LCMT1: variants seen among roughly 807,000 people sequenced by gnomAD.
The protein encoded by LCMT1 is leucine carboxyl methyltransferase 1.
LCMT1 carries 32 observed loss-of-function variants against 47.7 expected under a neutral mutation model. The observed-to-expected ratio is 0.67, with a 90% confidence interval of 0.51 to 0.90. The LOEUF is 0.90. Ranked by LOEUF, LCMT1 falls within the 40% of genes least tolerant of loss-of-function variation. The probability of loss-of-function intolerance (pLI) is 0.00; values close to 1 mark genes in which losing one functional copy is unlikely to be tolerated. For missense variants in LCMT1, 375 were observed against 415.2 expected (o/e 0.90, Z 0.84); for synonymous variants, 152 against 149.7 (o/e 1.02, Z -0.11).
intron 1 of LCMT1, among the ~76,000 whole-genome samples, chr16:25,127,942 G>A (rs1011736611): frequency 2.6e-5 from 4 of 152,172 alleles, no homozygotes; most frequent in Admixed American, 1.3e-4. Flanking sequence ...TGTTTTGTTC[G>A]TGCTTGCTTT....
chr16:25,153,434 G>A (rs957355961), intron 5 of LCMT1, among the ~76,000 whole-genome samples: 4 of 152,138 alleles, frequency 2.6e-5, no homozygotes, highest in African/African-American at 9.7e-5. Context: ...GAGCATGACT[G>A]TGTGAGAGAG....
intron 1 of LCMT1, among the ~76,000 whole-genome samples, chr16:25,125,206 A>G (rs950630633): frequency 2.0e-5 from 3 of 152,238 alleles, no homozygotes; most frequent in Non-Finnish European, 4.4e-5. Flanking sequence ...ACAGTGTATT[A>G]ACACTTTGGT....
At chr16:25,144,160 A>G (rs773881080) in intron 4 of LCMT1, 13 of 152,204 alleles carry the variant, frequency 8.5e-5, no homozygotes, top group Non-Finnish European at 1.6e-4. Context: ...TTGGATCCTT[A>G]CGTTTGCCTG....
At position 25,178,179 on chromosome 16, in the gene LCMT1, T is replaced by TC; in HGVS notation, c.*158dup. The TC allele has an allele frequency of 1.6e-6, 1 of 636,536 alleles. No individual in the cohort carries two copies. Among genetic ancestry groups the TC allele is most frequent in the Non-Finnish European group, 2.7e-6 (1 of 365,986 alleles). 39.4% of individuals were successfully genotyped at this position (636,536 alleles called of 1,614,324 possible). A position where few individuals can be genotyped will look rare whatever the true frequency, so the allele number is the denominator to read the frequency against. On this transcript the variant is annotated 3_prime_UTR_variant, in exon 11 of 11. Transcript: ENST00000399069. ...CTACAGTGGTCGCACATGTTCCTCT[T>TC]CCTGTTCCTGTTGACATGTCGTTGT... is the stretch of plus-strand genomic sequence containing the variant.
chr16:25,151,471 C>G (rs1170466932), intron 4 of LCMT1, 83 bp from the exon 5 acceptor site: 1 of 1,167,474 alleles, frequency 8.6e-7, no homozygotes, highest in Non-Finnish European at 1.3e-6. Context: ...TAGTGAGTGT[C>G]TGCATTTGTG....
In LCMT1 at chr16:25,161,210, A is replaced by AT. The variant is rs761843189; in HGVS notation, c.569+17dup. 9.7e-3 allele frequency: 12,656 copies of AT among 1,306,348 alleles called. No individual in the cohort carries two copies. The highest frequency in any genetic ancestry group is 0.011 in the South Asian group (731 of 66,892). 80.9% of individuals were successfully genotyped at this position (1,306,348 alleles called of 1,614,324 possible). On this transcript the variant is annotated splice_region_variant and intron_variant, in intron 6 of 10. Transcript: ENST00000399069. ...AAATGTAACATGAATACACAGTGAG[A>AT]TTTTTTTTTTTAAACCTCTTCTGCA...
At chr16:25,140,493 G>A (rs1960652583) in intron 4 of LCMT1, 1 of 468,640 alleles carries the variant, frequency 2.1e-6, no homozygotes, top group East Asian at 3.2e-5. Flanking sequence ...ATTAACACGA[G>A]GCCAACCAAA....
At chr16:25,156,177 C>A (rs1035158849) in intron 5 of LCMT1, among the ~76,000 whole-genome samples, 1 of 152,182 alleles carries the variant, frequency 6.6e-6, no homozygotes, top group African/African-American at 2.4e-5. Flanking sequence ...AGACAGACCC[C>A]CTTCCTGCCG....
At chr16:25,161,272 C>A in intron 6 of LCMT1, 68 bp downstream of exon 6, 2 of 756,012 alleles carry the variant, frequency 2.6e-6, no homozygotes, top group South Asian at 3.4e-5. Flanking sequence ...TAAGGCCAGT[C>A]GGAAGTACAG....
intron 4 of LCMT1, among the ~76,000 whole-genome samples, chr16:25,150,475 G>T (rs1206313118): frequency 6.6e-6 from 1 of 151,142 alleles, no homozygotes; most frequent in Non-Finnish European, 1.5e-5. Context: ...CTCCCAAGTA[G>T]CTGGGATTCC....
chr16:25,140,126 C>T, intron 3 of LCMT1, 45 bp from the exon 4 acceptor site: 1 of 1,397,000 alleles, frequency 7.2e-7, no homozygotes, highest in South Asian at 1.2e-5. Context: ...ATGATCAGCA[C>T]ATGTAAGAGT....
intron 1 of LCMT1, among the ~76,000 whole-genome samples, chr16:25,117,835 G>C (rs1298158944): frequency 1.3e-5 from 2 of 149,916 alleles, no homozygotes; most frequent in East Asian, 3.9e-4. Context: ...CTGGGCGACA[G>C]AGAGAGACTC....
At chr16:25,131,977 G>C (rs1345758234) in intron 2 of LCMT1, 1 of 218,810 alleles carries the variant, frequency 4.6e-6, no homozygotes, top group Non-Finnish European at 9.6e-6. Flanking sequence ...AGCTTCCTTT[G>C]TGTTAACATT....
At chr16:25,156,130 G>A (rs1344870732) in intron 5 of LCMT1, among the ~76,000 whole-genome samples, 3 of 152,032 alleles carry the variant, frequency 2.0e-5, no homozygotes, top group African/African-American at 4.8e-5. Context: ...CTCAGCTGCC[G>A]CTTCCTCAGA....
chr16:25,128,958 C>T (rs889696399), intron 2 of LCMT1, among the ~76,000 whole-genome samples: 7 of 146,008 alleles, frequency 4.8e-5, no homozygotes, highest in Non-Finnish European at 9.0e-5. Context: ...CTAGTGCATG[C>T]AGGGCTTAAA....
chr16:25,122,311 T>C (rs1175838166), intron 1 of LCMT1, among the ~76,000 whole-genome samples: 1 of 151,994 alleles, frequency 6.6e-6, no homozygotes, highest in Non-Finnish European at 1.5e-5. Flanking sequence ...ATGATGATGA[T>C]GATGATTATT....
intron 2 of LCMT1, among the ~76,000 whole-genome samples, chr16:25,131,779 AT>A (rs1960355032): frequency 6.6e-6 from 1 of 152,136 alleles, no homozygotes; most frequent in African/African-American, 2.4e-5. Context: ...GGTTCAAGCA[AT>A]TCTTGTGGTC....
chr16:25,157,691 A>G (rs1473890444), intron 5 of LCMT1, among the ~76,000 whole-genome samples: 2 of 152,226 alleles, frequency 1.3e-5, no homozygotes, highest in Non-Finnish European at 2.9e-5. Flanking sequence ...ACAACCATCT[A>G]TTTAGCTCAC....
intron 5 of LCMT1, chr16:25,160,791 G>A (rs752358653): frequency 9.7e-5 from 54 of 557,656 alleles, no homozygotes; most frequent in Non-Finnish European, 1.7e-4. Context: ...ACCACATATT[G>A]GGTGGTCCCA....
Sources: gnomAD v4.1 joint callset for allele counts (sites outside exome capture counted in the v4.1 genomes callset) on GRCh38, gnomAD v4.1.1 for gene constraint, MANE v1.5 for transcripts, NCBI Gene and HGNC (gene_info 2026-07-23, HGNC 2026-07-21) for gene names.